Variants in EXOC5 observed in about 807,000 individuals in gnomAD.
EXOC5 encodes exocyst complex component 5.
A neutral mutation model predicts 90.8 loss-of-function variants in EXOC5; 17 were observed. The ratio of observed to expected loss-of-function variants is 0.19; its 90% CI spans 0.13 to 0.28. The LOEUF is 0.28. Among genes scored for constraint, EXOC5 ranks in the 10% least tolerant of loss-of-function variants. The probability of loss-of-function intolerance (pLI) is 1.00; values close to 1 mark genes in which losing one functional copy is unlikely to be tolerated. For missense variants in EXOC5, 569 were observed against 830.6 expected (o/e 0.69, Z 3.87); for synonymous variants, 260 against 270.0 (o/e 0.96, Z 0.36).
chr14:57,206,143 C>T lies in EXOC5; in HGVS notation c.*2466G>A. 1 of 374,236 alleles carries T rather than the reference C, an allele frequency of 2.7e-6. No homozygotes were observed. The allele number at this position is 374,236 out of a possible 1,614,324, so 23.2% of individuals were successfully genotyped here. A position where few individuals can be genotyped will look rare whatever the true frequency, so the allele number is the denominator to read the frequency against. Reference sequence around the variant, plus strand: ...GCATTACCTAAATACTGCATATTAGCTCATGCGGTATTGTGTAATACTGCA... The same window carrying T: ...GCATTACCTAAATACTGCATATTAGTTCATGCGGTATTGTGTAATACTGCA... On this transcript the variant is annotated 3_prime_UTR_variant, in exon 18 of 18. Coordinates refer to ENST00000621441, the MANE Select transcript of EXOC5 (RefSeq NM_006544.4).
At chr14:57,217,546 T>C (rs1278595585) in intron 15 of EXOC5, among the ~76,000 whole-genome samples, 1 of 152,146 alleles carries the variant, frequency 6.6e-6, no homozygotes, top group Non-Finnish European at 1.5e-5. Flanking sequence ...ACAGTGAACC[T>C]AATTGACAAA....
intron 13 of EXOC5, among the ~76,000 whole-genome samples, 181 bp downstream of exon 13, chr14:57,222,127 G>A (rs1423464164): frequency 6.6e-6 from 1 of 152,044 alleles, no homozygotes; most frequent in Non-Finnish European, 1.5e-5. Context: ...AACAATATGA[G>A]AGAACCATTC....
chr14:57,267,179 C>G (rs1387826011), intron 1 of EXOC5, among the ~76,000 whole-genome samples: 6 of 152,274 alleles, frequency 3.9e-5, no homozygotes. Context: ...TCTCCCCGTT[C>G]TTGTGTCAAT....
chr14:57,231,929 C>G, intron 10 of EXOC5: 1 of 434,236 alleles, frequency 2.3e-6, no homozygotes, highest in Admixed American at 4.1e-5. Flanking sequence ...GTTTTGAGAA[C>G]TGTTATAAAT....
chr14:57,216,876 C>A (rs925798781), intron 15 of EXOC5, among the ~76,000 whole-genome samples: 2 of 152,086 alleles, frequency 1.3e-5, no homozygotes, highest in Non-Finnish European at 2.9e-5. Context: ...CCATACATCT[C>A]AGAGGTGTTT....
intron 2 of EXOC5, among the ~76,000 whole-genome samples, chr14:57,247,150 G>T (rs1271498261): frequency 2.0e-5 from 3 of 152,026 alleles, no homozygotes; most frequent in African/African-American, 7.2e-5. Flanking sequence ...TCATCTCAGA[G>T]GTGAATGAAA....
rs1882699750 is a variant in EXOC5 at position 57,207,682 on chromosome 14, G to A, written c.*927C>T. On this transcript the variant is annotated 3_prime_UTR_variant, in exon 18 of 18. Coordinates refer to ENST00000621441, the MANE Select transcript of EXOC5 (RefSeq NM_006544.4). ...TGTTCAGCCATTCCATCTTATTCAA[G>A]TTTAGCATTACGACAGAAATCTCAA... 6.6e-6 allele frequency: 1 copy of A among 152,024 alleles called. No homozygotes were observed. Among genetic ancestry groups the A allele is most frequent in the Admixed American group, 6.6e-5 (1 of 15,242 alleles). 9.4% of individuals were successfully genotyped at this position (152,024 alleles called of 1,614,324 possible). A position where few individuals can be genotyped will look rare whatever the true frequency, so the allele number is the denominator to read the frequency against.
Position 57,219,378 on chromosome 14 carries a change from A to G in EXOC5, c.1470T>C (p.Asn490=). 1 of 1,544,176 alleles carries G rather than the reference A, an allele frequency of 6.5e-7. No homozygotes were observed. Among genetic ancestry groups the G allele is most frequent in the Non-Finnish European group, 8.8e-7 (1 of 1,136,584 alleles). The part of the protein sequence containing the change: ...LYFLDVVQQA[N]TIFHLFDKQF... The stretch of plus-strand genomic sequence containing the variant: ...GTTTGTCAAAAAGATGAAAAATAGT[A>G]TTGGCCTGTTGCACAACGTCCAAAA... The change falls in exon 14 of 18, where the codon AAT becomes AAC. Residue 490 remains asparagine (N), a synonymous_variant. Coordinates refer to ENST00000621441, the MANE Select transcript of EXOC5 (RefSeq NM_006544.4).
At chr14:57,215,839 C>A (rs1048555249) in intron 15 of EXOC5, among the ~76,000 whole-genome samples, 9 of 151,758 alleles carry the variant, frequency 5.9e-5, no homozygotes, top group Non-Finnish European at 8.8e-5. Flanking sequence ...AGCAGTTAGG[C>A]AAGAAAAAGA....
chr14:57,247,172 A>C (rs2139654602), intron 2 of EXOC5, among the ~76,000 whole-genome samples: 1 of 152,298 alleles, frequency 6.6e-6, no homozygotes, highest in Admixed American at 6.5e-5. Context: ...CCTCACCCAG[A>C]ATCCCCAATA....
chr14:57,259,651 G>A (rs1478014882), intron 1 of EXOC5, among the ~76,000 whole-genome samples: 1 of 152,096 alleles, frequency 6.6e-6, no homozygotes, highest in Non-Finnish European at 1.5e-5. Context: ...CTTCTTTGAA[G>A]GGTTCCTTCC....
chr14:57,268,509 T>A (rs1296098107), intron 1 of EXOC5, 113 bp downstream of exon 1: 2 of 1,529,418 alleles, frequency 1.3e-6, no homozygotes, highest in Admixed American at 2.0e-5. Context: ...GTTTCGCACC[T>A]CTCTCCCGAG....
chr14:57,208,831 AC>A, intron 17 of EXOC5, 34 bp from the exon 18 acceptor site: 1 of 1,414,458 alleles, frequency 7.1e-7, no homozygotes, highest in Non-Finnish European at 9.7e-7. Flanking sequence ...TAACATTGAA[AC>A]AAAACAATTT....
At position 57,208,179 on chromosome 14, in the gene EXOC5, G is replaced by A. The variant is rs1882715100; in HGVS notation, c.*430C>T. 1 of 153,944 alleles carries A rather than the reference G, an allele frequency of 6.5e-6. No homozygotes were observed. The highest frequency in any genetic ancestry group is 1.4e-5 in the Non-Finnish European group (1 of 69,096). 9.5% of individuals were successfully genotyped at this position (153,944 alleles called of 1,614,324 possible). A position where few individuals can be genotyped will look rare whatever the true frequency, so the allele number is the denominator to read the frequency against. The stretch of plus-strand genomic sequence containing the variant: ...GCTGAAAAGGTCATTAAAAACTGAG[G>A]AATAACAAATGTAGTTTTCCTGTAT... On this transcript the variant is annotated 3_prime_UTR_variant, in exon 18 of 18. Transcript: ENST00000621441.
intron 10 of EXOC5, chr14:57,231,971 T>C (rs999796588): frequency 1.8e-5 from 6 of 335,150 alleles, no homozygotes; most frequent in Non-Finnish European, 3.3e-5. Context: ...GGCAATTAAC[T>C]AGTCCAGAAA....
In EXOC5 at chr14:57,239,502, T is replaced by C. The variant is rs1883789627; in HGVS notation, c.530+93A>G. The C allele has an allele frequency of 5.2e-6, 4 of 766,016 alleles. 1 individual carries two copies. The highest frequency in any genetic ancestry group is 3.5e-5 in the South Asian group (2 of 56,792). The allele number at this position is 766,016 out of a possible 1,614,324, so 47.5% of individuals were successfully genotyped here. On this transcript the variant is annotated intron_variant, in intron 5 of 17. Coordinates refer to ENST00000621441, the MANE Select transcript of EXOC5 (RefSeq NM_006544.4). ...AAGTGCTCAATAAATTTCCGTTTAA[T>C]TAATGGGCAAAGAAAATCATACAGG...
intron 1 of EXOC5, among the ~76,000 whole-genome samples, chr14:57,259,248 G>A (rs556344389): frequency 7.9e-5 from 12 of 152,058 alleles, no homozygotes; most frequent in South Asian, 2.1e-4. Context: ...ACAAGTGTGC[G>A]CCATCACATC....
chr14:57,234,775 A>T (rs1044464229), intron 7 of EXOC5, among the ~76,000 whole-genome samples: 8 of 151,580 alleles, frequency 5.3e-5, no homozygotes. Context: ...ATGTTGCCTA[A>T]GCTGATCTCG....
chr14:57,257,070 A>C (rs1263288317), intron 1 of EXOC5, among the ~76,000 whole-genome samples: 1 of 152,234 alleles, frequency 6.6e-6, no homozygotes, highest in African/African-American at 2.4e-5. Flanking sequence ...GCAGTGACTC[A>C]GATGAAAGTG....
Sources: allele counts gnomAD v4.1 joint callset (sites outside exome capture counted in the v4.1 genomes callset), GRCh38; gene constraint gnomAD v4.1.1; transcripts MANE v1.5; gene names NCBI Gene and HGNC (gene_info 2026-07-23, HGNC 2026-07-21).